NYAP2: variants seen among roughly 807,000 people sequenced by gnomAD.
NYAP2 encodes the protein neuronal tyrosine-phosphorylated phosphoinositide-3-kinase adapter 2.
Under a neutral mutation model 50.4 loss-of-function variants are expected in NYAP2, and 23 were observed. That is an observed-to-expected ratio of 0.46 (90% CI 0.33 to 0.65). The LOEUF (loss-of-function observed/expected upper bound fraction) is 0.65, where lower values mean the gene tolerates loss of function less well. Ranked by LOEUF, NYAP2 falls within the 30% of genes least tolerant of loss-of-function variation. NYAP2 has a pLI of 0.02. For missense variants in NYAP2, 885 were observed against 861.0 expected (o/e 1.03, Z -0.35); for synonymous variants, 394 against 365.2 (o/e 1.08, Z -0.90).
intron 5 of NYAP2, among the ~76,000 whole-genome samples, chr2:225,599,624 T>C (rs1292019349): frequency 6.6e-6 from 1 of 152,182 alleles, no homozygotes; most frequent in Non-Finnish European, 1.5e-5. Flanking sequence ...GGAGACTTTT[T>C]CCCTGTCAAA....
At chr2:225,493,682 A>G (rs1480642095) in intron 3 of NYAP2, among the ~76,000 whole-genome samples, 4 of 152,204 alleles carry the variant, frequency 2.6e-5, no homozygotes, top group Non-Finnish European at 5.9e-5. Context: ...CACTCCTGTT[A>G]TTAACCTGAA....
intron 4 of NYAP2, among the ~76,000 whole-genome samples, chr2:225,569,822 T>C (rs1476196384): frequency 1.3e-5 from 2 of 152,216 alleles, no homozygotes; most frequent in African/African-American, 4.8e-5. Flanking sequence ...TGCTCTGCTG[T>C]TCACATCTAT....
chr2:225,599,338 C>A (rs1055374837), intron 5 of NYAP2, among the ~76,000 whole-genome samples: 1 of 152,160 alleles, frequency 6.6e-6, no homozygotes, highest in Non-Finnish European at 1.5e-5. Context: ...AGAATATGAT[C>A]TTCAGATACC....
At chr2:225,698,956 C>T in the NYAP2 span, 2 of 151,856 alleles carry the variant, frequency 1.3e-5, no homozygotes, top group Admixed American at 1.3e-4. Context: ...CCCTTGCCCA[C>T]ATTTGGTTTC....
intron 3 of NYAP2, among the ~76,000 whole-genome samples, chr2:225,506,147 T>A (rs181926935): frequency 3.6e-4 from 54 of 152,106 alleles, no homozygotes; most frequent in African/African-American, 1.3e-3. Context: ...ATGTCCACAA[T>A]TTTTTTTAAC....
chr2:225,699,638 C>A, the NYAP2 span: 1 of 151,824 alleles, frequency 6.6e-6, no homozygotes, highest in South Asian at 2.1e-4. Context: ...CTGGTTATCA[C>A]CACATTTCTG....
the NYAP2 span, among the ~76,000 whole-genome samples, chr2:225,676,044 T>G: frequency 6.6e-6 from 1 of 152,164 alleles, no homozygotes; most frequent in African/African-American, 2.4e-5. Flanking sequence ...TTGTAGATTC[T>G]GGATATTAGA....
chr2:225,446,216 G>GTCTCTC lies in NYAP2; in HGVS notation c.221+37141_221+37146dup, dbSNP rs1271105292. Among the ~76,000 whole-genome samples the GTCTCTC allele has an allele frequency of 4.3e-3, 300 of 69,268 alleles. 4 individuals carry two copies. The highest frequency in any genetic ancestry group is 5.8e-3 in the Non-Finnish European group (171 of 29,698). 45.4% of individuals were successfully genotyped at this position (69,268 alleles called of 152,430 possible). On this transcript the variant is annotated intron_variant, in intron 3 of 6. Transcript: ENST00000636099. ...TGTCTGTCTGTCTGTCTGTCTGTCT[G>GTCTCTC]TCTCTCTCTCTCTCTCTCTCTCTCT...
At chr2:225,600,005 AG>A (rs1692668137) in intron 5 of NYAP2, among the ~76,000 whole-genome samples, 1 of 152,190 alleles carries the variant, frequency 6.6e-6, no homozygotes, top group African/African-American at 2.4e-5. Flanking sequence ...CTATTTATCA[AG>A]ACAGGGGAAT....
chr2:225,434,561 T>C (rs1201290141), intron 3 of NYAP2, among the ~76,000 whole-genome samples: 2 of 152,214 alleles, frequency 1.3e-5, no homozygotes, highest in Non-Finnish European at 2.9e-5. Flanking sequence ...TGTGCCCATG[T>C]TATTAGTGGG....
intron 3 of NYAP2, among the ~76,000 whole-genome samples, chr2:225,419,112 C>G (rs981111116): frequency 1.3e-5 from 2 of 152,106 alleles, no homozygotes; most frequent in African/African-American, 4.8e-5. Context: ...ATCATGCAGT[C>G]GGCGATACTG....
chr2:225,486,179 A>G (rs1690295702), intron 3 of NYAP2, among the ~76,000 whole-genome samples: 2 of 152,148 alleles, frequency 1.3e-5, no homozygotes, highest in South Asian at 2.1e-4. Context: ...CCTGGCTATT[A>G]TTTTAGAACA....
intron 4 of NYAP2, among the ~76,000 whole-genome samples, chr2:225,566,982 T>G (rs1156763102): frequency 6.6e-6 from 1 of 152,082 alleles, no homozygotes; most frequent in East Asian, 1.9e-4. Context: ...ATAAGGATGC[T>G]TTCTGAGAAA....
intron 4 of NYAP2, among the ~76,000 whole-genome samples, chr2:225,552,065 G>A (rs1173615893): frequency 2.0e-5 from 3 of 152,006 alleles, no homozygotes; most frequent in African/African-American, 4.8e-5. Context: ...CACCTGCCTC[G>A]GCCTCCCAAA....
intron 3 of NYAP2, among the ~76,000 whole-genome samples, chr2:225,492,895 C>T (rs990097723): frequency 2.6e-5 from 4 of 152,160 alleles, no homozygotes; most frequent in African/African-American, 7.2e-5. Context: ...CTGGGAATTA[C>T]ATCTCAACAT....
intron 6 of NYAP2, among the ~76,000 whole-genome samples, chr2:225,645,747 G>T (rs1346994930): frequency 6.6e-6 from 1 of 152,100 alleles, no homozygotes; most frequent in Non-Finnish European, 1.5e-5. Flanking sequence ...GCCCCTTGTT[G>T]GTGGACCCCA....
At chr2:225,692,892 CAT>C in the NYAP2 span, among the ~76,000 whole-genome samples, 182 of 150,984 alleles carry the variant, frequency 1.2e-3, no homozygotes, top group African/African-American at 4.0e-3. Flanking sequence ...CACACACACA[CAT>C]ATATTTACAC....
At chr2:225,517,245 T>C (rs1023851132) in intron 4 of NYAP2, among the ~76,000 whole-genome samples, 5 of 152,174 alleles carry the variant, frequency 3.3e-5, no homozygotes, top group Non-Finnish European at 5.9e-5. Context: ...ATATTTTAAT[T>C]ACCCCTTTTT....
intron 3 of NYAP2, among the ~76,000 whole-genome samples, chr2:225,456,789 A>C (rs1469994146): frequency 6.6e-6 from 1 of 152,180 alleles, no homozygotes; most frequent in Non-Finnish European, 1.5e-5. Flanking sequence ...CTGCAGCTGC[A>C]GGCATACCCC....
Sources: gnomAD v4.1 joint callset for allele counts (sites outside exome capture counted in the v4.1 genomes callset) on GRCh38, gnomAD v4.1.1 for gene constraint, MANE v1.5 for transcripts, NCBI Gene and HGNC (gene_info 2026-07-23, HGNC 2026-07-21) for gene names.